Variants in SLC16A12 observed in about 807,000 individuals in gnomAD.
The protein encoded by SLC16A12 is solute carrier family 16 member 12.
In SLC16A12, 17 loss-of-function variants were observed where a neutral mutation model predicts 42.4. The ratio of observed to expected loss-of-function variants is 0.40; its 90% CI spans 0.27 to 0.60. The LOEUF (loss-of-function observed/expected upper bound fraction) is 0.60. Ranked by LOEUF, SLC16A12 falls within the 20% of genes least tolerant of loss-of-function variation. The pLI is 0.42. For missense variants in SLC16A12, 544 were observed against 623.0 expected (o/e 0.87, Z 1.35); for synonymous variants, 224 against 229.4 (o/e 0.98, Z 0.21).
chr10:89,438,582 AT>A (rs756468882), intron 6 of SLC16A12, 21 bp downstream of exon 6: 1 of 1,610,498 alleles, frequency 6.2e-7, no homozygotes, highest in South Asian at 1.1e-5. Flanking sequence ...TGGGGAACCA[AT>A]TGTGGTTTCA....
intron 2 of SLC16A12, among the ~76,000 whole-genome samples, chr10:89,548,322 T>C (rs1485623487): frequency 6.6e-6 from 1 of 152,094 alleles, no homozygotes; most frequent in African/African-American, 2.4e-5. Context: ...CTGTTCAATA[T>C]TGAACACATG....
intron 3 of SLC16A12, among the ~76,000 whole-genome samples, chr10:89,448,780 T>G (rs1344628892): frequency 2.0e-5 from 3 of 152,106 alleles, no homozygotes; most frequent in Non-Finnish European, 4.4e-5. Flanking sequence ...GAGAAAGAAA[T>G]AAACGTTATT....
exon 1 of SLC16A12, chr10:89,556,595 G>A (rs149500758): frequency 6.6e-6 from 1 of 152,016 alleles, no homozygotes; most frequent in African/African-American, 2.4e-5. Flanking sequence ...TCTGGAGCTG[G>A]TTTCTGACCT....
At chr10:89,474,031 C>T (rs749904593) in intron 2 of SLC16A12, among the ~76,000 whole-genome samples, 2 of 152,152 alleles carry the variant, frequency 1.3e-5, no homozygotes, top group Admixed American at 6.6e-5. Context: ...CACTGAAAAA[C>T]TCAGGCTTTA....
Position 89,486,609 on chromosome 10 carries a change from AAGAAAGAAAGAAAGAAAGAAAG to A in SLC16A12, c.-46-24007_-46-23986del, listed in dbSNP as rs1564585807. Among the ~76,000 whole-genome samples the A allele has an allele frequency of 6.4e-3, 445 of 70,038 alleles. 9 individuals are homozygous for A. Among genetic ancestry groups the A allele is most frequent in the African/African-American group, 7.4e-3 (102 of 13,756 alleles). The allele number at this position is 70,038 out of a possible 152,430, so 45.9% of individuals were successfully genotyped here. On this transcript the variant is annotated intron_variant, in intron 2 of 7. Transcript: ENST00000371790. Reference sequence around the variant, plus strand: ...CTTGTCTCAAAAAAAAAAAAAAAGAAAGAAAGAAAGAAAGAAAGAAAGAAAGAAAGAAAGAAAGAAAGAAAGA... The same window carrying A: ...CTTGTCTCAAAAAAAAAAAAAAAGAAAAAGAAAGAAAGAAAGAAAGAAAGA...
chr10:89,474,625 G>A (rs73371342), intron 2 of SLC16A12, among the ~76,000 whole-genome samples: 2,017 of 151,656 alleles, frequency 0.013, 47 homozygotes, highest in African/African-American at 0.045. Context: ...TCTAAACAGC[G>A]CACACCAGAG....
intron 7 of SLC16A12, among the ~76,000 whole-genome samples, chr10:89,434,341 A>G (rs933827082): frequency 6.6e-6 from 1 of 152,230 alleles, no homozygotes; most frequent in African/African-American, 2.4e-5. Flanking sequence ...TGATTTGCCA[A>G]TGAAGGCCAC....
At chr10:89,505,550 C>G (rs928324729) in intron 2 of SLC16A12, among the ~76,000 whole-genome samples, 1 of 152,140 alleles carries the variant, frequency 6.6e-6, no homozygotes, top group Non-Finnish European at 1.5e-5. Context: ...ACTGAGGTAC[C>G]TGGTTCATCT....
At chr10:89,515,297 A>C (rs1010344458) in intron 2 of SLC16A12, among the ~76,000 whole-genome samples, 3 of 152,186 alleles carry the variant, frequency 2.0e-5, no homozygotes, top group African/African-American at 7.2e-5. Context: ...GGGAATGTTA[A>C]GACCCTTGTT....
upstream of SLC16A12, among the ~76,000 whole-genome samples, chr10:89,538,474 A>C (rs1256026143): frequency 1.3e-5 from 2 of 152,206 alleles, no homozygotes; most frequent in African/African-American, 4.8e-5. Context: ...GATGTGGCTA[A>C]TGTCTACCAT....
At chr10:89,496,729 G>T (rs1804559450) in intron 2 of SLC16A12, among the ~76,000 whole-genome samples, 1 of 152,018 alleles carries the variant, frequency 6.6e-6, no homozygotes, top group Admixed American at 6.6e-5. Flanking sequence ...CTAAAACAGG[G>T]TTCAAAGAAC....
At chr10:89,551,720 T>C (rs1206099320) in intron 2 of SLC16A12, among the ~76,000 whole-genome samples, 1 of 152,198 alleles carries the variant, frequency 6.6e-6, no homozygotes, top group Non-Finnish European at 1.5e-5. Context: ...GTTTCTGCTT[T>C]TGCATCTTCT....
chr10:89,436,884 G>GAAAGAAAGAAAGA, intron 6 of SLC16A12, among the ~76,000 whole-genome samples: 1 of 144,562 alleles, frequency 6.9e-6, no homozygotes, highest in South Asian at 2.3e-4. Flanking sequence ...AAGAAAGAAA[G>GAAAGAAAGAAAGA]AAAGAAAGAA....
intron 2 of SLC16A12, among the ~76,000 whole-genome samples, chr10:89,511,452 C>T (rs771625875): frequency 6.6e-6 from 1 of 152,070 alleles, no homozygotes; most frequent in Non-Finnish European, 1.5e-5. Context: ...AACTGGAAAC[C>T]CATCATTCTC....
At chr10:89,524,213 C>T (rs1022004073) in intron 2 of SLC16A12, among the ~76,000 whole-genome samples, 2 of 152,188 alleles carry the variant, frequency 1.3e-5, no homozygotes, top group African/African-American at 2.4e-5. Context: ...TTAACAGACC[C>T]TCTGGGGCCT....
At position 89,438,357 on chromosome 10, in the gene SLC16A12, T is replaced by C. The variant is rs1308482719; in HGVS notation, c.1028+247A>G. On this transcript the variant is annotated intron_variant, in intron 6 of 7. Transcript: ENST00000371790. Reference sequence around the variant, plus strand: ...TATTGTCTGTGGCTGTTTTGTACTATAATAGCAGAGTTGGGTAGTTATGAT... The same window carrying C: ...TATTGTCTGTGGCTGTTTTGTACTACAATAGCAGAGTTGGGTAGTTATGAT... Among the ~76,000 whole-genome samples the C allele has an allele frequency of 3.9e-5, 6 of 152,364 alleles. No individual in the cohort carries two copies. In the East Asian group the frequency reaches 1.2e-3, roughly 29 times the overall value.
intron 3 of SLC16A12, among the ~76,000 whole-genome samples, chr10:89,461,452 A>C (rs559720016): frequency 5.3e-5 from 8 of 152,342 alleles, no homozygotes; most frequent in Non-Finnish European, 7.3e-5. Flanking sequence ...TTCTGGGATG[A>C]ATATAGACCC....
intron 2 of SLC16A12, among the ~76,000 whole-genome samples, chr10:89,500,582 G>C (rs1021859723): frequency 6.6e-6 from 1 of 151,950 alleles, no homozygotes; most frequent in African/African-American, 2.4e-5. Flanking sequence ...AAAAGCATTC[G>C]ACAAAATCCG....
intron 2 of SLC16A12, among the ~76,000 whole-genome samples, chr10:89,551,926 C>G (rs1843773347): frequency 6.6e-6 from 1 of 152,044 alleles, no homozygotes; most frequent in African/African-American, 2.4e-5. Flanking sequence ...GAAGAGAGAT[C>G]TATTTATTTA....
Sources: allele counts gnomAD v4.1 joint callset (sites outside exome capture counted in the v4.1 genomes callset), GRCh38; gene constraint gnomAD v4.1.1; transcripts MANE v1.5; gene names NCBI Gene and HGNC (gene_info 2026-07-23, HGNC 2026-07-21).